The following SLC24A3 variants were observed in gnomAD, a reference collection of about 807,000 sequenced individuals.
SLC24A3 encodes the protein solute carrier family 24 member 3.
Under a neutral mutation model 75.8 loss-of-function variants are expected in SLC24A3, and 28 were observed. The ratio of observed to expected loss-of-function variants is 0.37; its 90% confidence interval spans 0.27 to 0.51. SLC24A3 has a LOEUF of 0.51. Ranked by LOEUF, SLC24A3 falls within the 20% of genes least tolerant of loss-of-function variation. SLC24A3 has a pLI of 0.94. For missense variants in SLC24A3, 663 were observed against 847.8 expected, an observed-to-expected ratio of 0.78 and a Z score of 2.71; for synonymous variants, 372 against 334.1, an observed-to-expected ratio of 1.11 and a Z score of -1.24.
intron 2 of SLC24A3, among the ~76,000 whole-genome samples, chr20:19,489,830 T>C (rs1988181955): frequency 1.3e-5 from 2 of 152,146 alleles, no homozygotes; most frequent in African/African-American, 4.8e-5. Context: ...TGATGGCCCA[T>C]ATATTAACCT....
intron 7 of SLC24A3, among the ~76,000 whole-genome samples, chr20:19,660,128 G>A (rs2032310133): frequency 6.6e-6 from 1 of 151,990 alleles, no homozygotes; most frequent in African/African-American, 2.4e-5. Context: ...TAGAAACTTG[G>A]GGTTCTTATT....
intron 3 of SLC24A3, among the ~76,000 whole-genome samples, chr20:19,554,459 T>C (rs956541688): frequency 6.6e-6 from 1 of 152,142 alleles, no homozygotes; most frequent in Admixed American, 6.5e-5. Flanking sequence ...AGAGATAATA[T>C]TGTGATGGTA....
chr20:19,406,191 T>C (rs1382351951), intron 2 of SLC24A3, among the ~76,000 whole-genome samples: 3 of 151,178 alleles, frequency 2.0e-5, no homozygotes, highest in African/African-American at 4.9e-5. Context: ...GGTGTGTGTG[T>C]GTGTGTGTGT....
At chr20:19,678,414 A>G (rs1430358675) in intron 9 of SLC24A3, among the ~76,000 whole-genome samples, 10 of 105,140 alleles carry the variant, frequency 9.5e-5, no homozygotes, top group Admixed American at 1.8e-4. Context: ...AGGGACGGCC[A>G]GGCAGAGGCG....
chr20:19,569,818 G>A (rs779581140), intron 3 of SLC24A3, among the ~76,000 whole-genome samples: 18 of 152,154 alleles, frequency 1.2e-4, no homozygotes, highest in Non-Finnish European at 8.8e-5. Flanking sequence ...AAAGGTTCCC[G>A]TTGTTATTAG....
chr20:19,649,786 G>A (rs373038958), intron 6 of SLC24A3, among the ~76,000 whole-genome samples: 1 of 152,164 alleles, frequency 6.6e-6, no homozygotes. Context: ...TGGGAACAGG[G>A]ACCCAAGGCC....
Position 19,722,452 on chromosome 20 carries a change from G to A in SLC24A3, c.*1312G>A, listed in dbSNP as rs948442343. On this transcript the variant is annotated 3_prime_UTR_variant, in exon 17 of 17. Coordinates refer to ENST00000328041, the MANE Select transcript of SLC24A3 (RefSeq NM_020689.4). Reference sequence around the variant, plus strand: ...CTCAAGGGCATAAGTTATTGTGAACGTTTTTGCCAATCACTGCTCAACAGC... The same window carrying A: ...CTCAAGGGCATAAGTTATTGTGAACATTTTTGCCAATCACTGCTCAACAGC... 2 of 152,664 alleles carry A rather than the reference G, an allele frequency of 1.3e-5. No individual in the cohort carries two copies. Among genetic ancestry groups the A allele is most frequent in the Non-Finnish European group, 2.9e-5 (2 of 68,056 alleles). The allele number at this position is 152,664 out of a possible 1,614,324, so 9.5% of individuals were successfully genotyped here.
intron 7 of SLC24A3, among the ~76,000 whole-genome samples, chr20:19,657,965 A>G (rs1192061902): frequency 1.3e-5 from 2 of 152,122 alleles, no homozygotes; most frequent in African/African-American, 4.8e-5. Flanking sequence ...AACCTTCCCA[A>G]ACAATGCATT....
chr20:19,417,140 G>A (rs937041898), intron 2 of SLC24A3, among the ~76,000 whole-genome samples: 1 of 152,090 alleles, frequency 6.6e-6, no homozygotes, highest in Admixed American at 6.6e-5. Context: ...AATTTGGGGT[G>A]TATTAGACCA....
intron 2 of SLC24A3, among the ~76,000 whole-genome samples, chr20:19,352,589 G>A (rs1201942031): frequency 6.6e-6 from 1 of 152,162 alleles, no homozygotes. Flanking sequence ...AACTTCCTAA[G>A]GTCTAAACTG....
chr20:19,324,653 T>C (rs1984795471), intron 2 of SLC24A3, among the ~76,000 whole-genome samples: 1 of 152,180 alleles, frequency 6.6e-6, no homozygotes, highest in East Asian at 1.9e-4. Context: ...GGCAATCAAG[T>C]TGTTGCTTCA....
intron 3 of SLC24A3, among the ~76,000 whole-genome samples, chr20:19,566,647 C>A (rs560286426): frequency 6.6e-6 from 1 of 152,178 alleles, no homozygotes; most frequent in Non-Finnish European, 1.5e-5. Flanking sequence ...AATTAACATT[C>A]CTTATTCTAC....
At chr20:19,465,982 G>T (rs16980635) in intron 2 of SLC24A3, among the ~76,000 whole-genome samples, 72,358 of 151,904 alleles carry the variant, frequency 0.48, 18,678 homozygotes, top group Non-Finnish European at 0.57. Context: ...TCCTCTTTAG[G>T]TAGTCATTCT....
chr20:19,626,074 AATT>A (rs1332121573), intron 6 of SLC24A3, among the ~76,000 whole-genome samples: 2 of 152,078 alleles, frequency 1.3e-5, no homozygotes, highest in African/African-American at 4.8e-5. Flanking sequence ...TTTTAGTAAT[AATT>A]ATTATATTTT....
At chr20:19,479,585 CAA>C (rs557048789) in intron 2 of SLC24A3, among the ~76,000 whole-genome samples, 55 of 152,198 alleles carry the variant, frequency 3.6e-4, no homozygotes, top group Non-Finnish European at 6.8e-4. Context: ...GGAAGAGAGA[CAA>C]GAGAGGGAAA....
chr20:19,450,223 C>T lies in SLC24A3; in HGVS notation c.272-65265C>T, dbSNP rs1442820514. ...GACAACATGATGGCAGTCCTCTCCACAGACAGTAAACTGGACTTGCTTCCA... is the reference window on the plus strand; with the variant it reads ...GACAACATGATGGCAGTCCTCTCCATAGACAGTAAACTGGACTTGCTTCCA... On this transcript the variant is annotated intron_variant, in intron 2 of 16. Coordinates refer to ENST00000328041, the MANE Select transcript of SLC24A3 (RefSeq NM_020689.4). Among the ~76,000 whole-genome samples, 6 of 152,200 alleles carry T rather than the reference C, an allele frequency of 3.9e-5. No individual in the cohort carries two copies. The East Asian group carries it at 5.8e-4, about 15-fold the overall frequency.
At chr20:19,316,698 A>T (rs139686300) in intron 2 of SLC24A3, among the ~76,000 whole-genome samples, 1 of 152,316 alleles carries the variant, frequency 6.6e-6, no homozygotes, top group African/African-American at 2.4e-5. Context: ...CCTGACCTGA[A>T]ATGGACTTTG....
At chr20:19,537,450 A>T (rs1033049575) in intron 3 of SLC24A3, among the ~76,000 whole-genome samples, 2 of 152,138 alleles carry the variant, frequency 1.3e-5, no homozygotes, top group Non-Finnish European at 2.9e-5. Context: ...TAGTTCAACC[A>T]TTGTGGAAGT....
At chr20:19,329,447 T>C (rs936262178) in intron 2 of SLC24A3, among the ~76,000 whole-genome samples, 1 of 152,198 alleles carries the variant, frequency 6.6e-6, no homozygotes, top group Non-Finnish European at 1.5e-5. Context: ...ATTATTCCTA[T>C]AGGAAACACA....
Sources: allele counts gnomAD v4.1 joint callset (sites outside exome capture counted in the v4.1 genomes callset), GRCh38; gene constraint gnomAD v4.1.1; transcripts MANE v1.5; gene names NCBI Gene and HGNC (gene_info 2026-07-23, HGNC 2026-07-21).